FSIP2: variants seen among roughly 807,000 people sequenced by gnomAD.
The protein encoded by FSIP2 is fibrous sheath interacting protein 2.
FSIP2 carries 367 observed loss-of-function variants against 510.5 expected under a neutral mutation model. The observed-to-expected ratio is 0.72, with a 90% confidence interval of 0.66 to 0.78. The LOEUF (loss-of-function observed/expected upper bound fraction) is 0.78. Ranked by LOEUF, FSIP2 falls within the 30% of genes least tolerant of loss-of-function variation. The pLI, the probability that FSIP2 is intolerant of heterozygous loss-of-function variation, is 0.00. For synonymous variants in FSIP2, 2,601 were observed against 2,732.2 expected, an observed-to-expected ratio of 0.95 and a Z score of 1.50; for missense variants, 7,594 against 7,901.7, an observed-to-expected ratio of 0.96 and a Z score of 1.48.
chr2:185,787,548 G>A (rs532834650), intron 15 of FSIP2, among the ~76,000 whole-genome samples: 3 of 151,850 alleles, frequency 2.0e-5, no homozygotes, highest in African/African-American at 4.8e-5. Context: ...AATTACTTGT[G>A]TTTACAAGCT....
intron 15 of FSIP2, among the ~76,000 whole-genome samples, chr2:185,787,195 T>C (rs1693009646): frequency 6.7e-6 from 1 of 150,346 alleles, no homozygotes; most frequent in South Asian, 2.1e-4. Context: ...AGTATTTGAT[T>C]TAGACTGTAT....
intron 9 of FSIP2, among the ~76,000 whole-genome samples, chr2:185,758,917 G>C (rs1199033731): frequency 6.6e-6 from 1 of 151,042 alleles, no homozygotes; most frequent in Non-Finnish European, 1.5e-5. Flanking sequence ...AATGTTAGTT[G>C]TTATACTAGG....
chr2:185,799,600 A>T, intron 16 of FSIP2, 97 bp from the exon 17 acceptor site: 1 of 540,426 alleles, frequency 1.9e-6, no homozygotes, highest in Non-Finnish European at 2.9e-6. Flanking sequence ...GAGTTGCTCA[A>T]AGGGTGAAAT....
At chr2:185,828,278 G>T in intron 21 of FSIP2, 79 bp downstream of exon 21, 1 of 798,600 alleles carries the variant, frequency 1.3e-6, no homozygotes. Context: ...GTTCAGTCAG[G>T]GACTGTGTGG....
At chr2:185,767,260 T>G (rs1278824609) in intron 13 of FSIP2, among the ~76,000 whole-genome samples, 11 of 150,202 alleles carry the variant, frequency 7.3e-5, no homozygotes, top group Admixed American at 2.7e-4. Context: ...ATGGCACATG[T>G]ATACATATGT....
rs770759533 is a variant in FSIP2 at position 185,789,836 on chromosome 2, T to A, written c.2700T>A (p.Ser900=). ...TATCAAATATTTTTTCCCAGTCTTC[T>A]TTGGTTGCTTATATAGAGGAAGCAA... ...NLISNIFSQS[S]LVAYIEEAIN... The change falls in exon 16 of 23, where the codon TCT becomes TCA. Residue 900 remains serine, a synonymous_variant. Transcript: ENST00000424728. 5.2e-6 allele frequency: 8 copies of A among 1,532,646 alleles called. No individual in the cohort carries two copies. In the South Asian group the frequency reaches 8.3e-5, roughly 16 times the overall value. The allele number at this position is 1,532,646 out of a possible 1,614,324, so 94.9% of individuals were successfully genotyped here.
In FSIP2 at chr2:185,807,863, T is replaced by A. The variant is rs1273774671; in HGVS notation, c.18557T>A (p.Phe6186Tyr). ...YNIIEEIAVK[F>Y]LSKLLSIFPK... ...ATAATAGAAGAAATTGCTGTGAAAT[T>A]TTTATCAAAGCTTTTATCTATATTT... Residue 6186 changes from phenylalanine (F) to tyrosine (Y), a missense_variant, in exon 17 of 23, where the codon TTT becomes TAT. Phe to Tyr is a conservative substitution (Grantham distance 22). Transcript: ENST00000424728. 3 of 1,609,686 alleles carry A rather than the reference T, an allele frequency of 1.9e-6. No individual in the cohort carries two copies. Among genetic ancestry groups the A allele is most frequent in the Non-Finnish European group, 2.5e-6 (3 of 1,178,388 alleles).
chr2:185,828,146 A>G lies in FSIP2; in HGVS notation c.20474-10A>G. ...AGACTATTTTACTTTTTTTTTTTTAATCTCTACAGAAAGTTCTCAGGAACA... is the reference window on the plus strand; with the variant it reads ...AGACTATTTTACTTTTTTTTTTTTAGTCTCTACAGAAAGTTCTCAGGAACA... On this transcript the variant is annotated splice_polypyrimidine_tract_variant and intron_variant, in intron 20 of 22. Transcript: ENST00000424728. 1 of 1,516,578 alleles carries G rather than the reference A, an allele frequency of 6.6e-7. No homozygotes were observed. Among genetic ancestry groups the G allele is most frequent in the Non-Finnish European group, 9.1e-7 (1 of 1,101,864 alleles). The allele number at this position is 1,516,578 out of a possible 1,614,324, so 93.9% of individuals were successfully genotyped here. A position where few individuals can be genotyped will look rare whatever the true frequency, so the allele number is the denominator to read the frequency against.
intron 13 of FSIP2, among the ~76,000 whole-genome samples, chr2:185,767,349 A>G (rs1325793366): frequency 3.9e-5 from 6 of 152,076 alleles, no homozygotes; most frequent in Non-Finnish European, 1.5e-5. Context: ...TAAAAAATAA[A>G]AAAAAGAGCT....
At chr2:185,761,570 A>T (rs1692351407) in intron 10 of FSIP2, among the ~76,000 whole-genome samples, 1 of 151,272 alleles carries the variant, frequency 6.6e-6, no homozygotes, top group South Asian at 2.1e-4. Context: ...GATGAATTTT[A>T]CTTTGGTTCT....
intron 13 of FSIP2, among the ~76,000 whole-genome samples, chr2:185,778,759 G>A (rs751925848): frequency 6.6e-6 from 1 of 151,784 alleles, no homozygotes; most frequent in South Asian, 2.1e-4. Flanking sequence ...CAATCAAGAC[G>A]GTGAATTGTG....
rs1479818128 is a variant in FSIP2 at position 185,792,998 on chromosome 2, T to A, written c.5862T>A (p.Ile1954=). 1 of 1,534,480 alleles carries A rather than the reference T, an allele frequency of 6.5e-7. No individual in the cohort carries two copies. Among genetic ancestry groups the A allele is most frequent in the East Asian group, 2.4e-5 (1 of 40,838 alleles). ...TTACAGTTCCAGTGGCTTTACCTAT[T>A]CAGCAAGATCACAGTACATTGAGCA... The part of the protein sequence containing the change: ...VNFTVPVALP[I]QQDHSTLSKA... The change falls in exon 16 of 23, where the codon ATT becomes ATA. Residue 1954 remains isoleucine (I), a synonymous_variant. Coordinates refer to ENST00000424728, the MANE Select transcript of FSIP2 (RefSeq NM_173651.4).
In FSIP2 at chr2:185,789,611, T is replaced by C; in HGVS notation, c.2475T>C (p.His825=). ...GTGATATTGCAGAGGACATGGTGCA[T>C]GCCATTTTAGAAAAGCTAATGACTC... The part of the protein sequence containing the change: ...PMCDIAEDMV[H]AILEKLMTLV... The change falls in exon 16 of 23, where the codon CAT becomes CAC. Residue 825 remains histidine (H), a synonymous_variant. Transcript: ENST00000424728. 2.6e-6 allele frequency: 4 copies of C among 1,534,840 alleles called. No individual in the cohort carries two copies. Among genetic ancestry groups the C allele is most frequent in the Non-Finnish European group, 3.5e-6 (4 of 1,145,896 alleles).
chr2:185,796,230 CA>C lies in FSIP2; in HGVS notation c.9095del (p.Gln3032ArgfsTer4). Reference protein sequence around the residue: ...MPIENLSSIQQKLLNKKMLPK... With the variant: ...MPIENLSSIQXKLLNKKMLPK... ...TATAGAAAACCTTTCTTCTATCCAACAGAAACTGTTAAACAAAAAAATGTTG... is the reference window on the plus strand; with the variant it reads ...TATAGAAAACCTTTCTTCTATCCAACGAAACTGTTAAACAAAAAAATGTTG... On this transcript the variant is annotated frameshift_variant, in exon 16 of 23. Coordinates refer to ENST00000424728, the MANE Select transcript of FSIP2 (RefSeq NM_173651.4). LOFTEE classifies it high-confidence loss of function. The C allele has an allele frequency of 2.6e-6, 4 of 1,530,928 alleles. No homozygotes were observed. The South Asian group carries it at 4.8e-5, about 18-fold the overall frequency. 94.8% of individuals were successfully genotyped at this position (1,530,928 alleles called of 1,614,324 possible).
In FSIP2 at chr2:185,779,486, C is replaced by G. The variant is rs561608719; in HGVS notation, c.1412-3219C>G. ...GGTTAATTGGGAGATCTATCAATCA[C>G]TCAAACATTTGTTATTTCTTTGTGT... On this transcript the variant is annotated intron_variant, in intron 13 of 22. Transcript: ENST00000424728. 2.2e-4 allele frequency among the ~76,000 whole-genome samples: 33 copies of G among 152,046 alleles called. 1 individual carries two copies. Among genetic ancestry groups the G allele is most frequent in the African/African-American group, 7.7e-4 (32 of 41,422 alleles).
intron 2 of FSIP2, among the ~76,000 whole-genome samples, chr2:185,741,752 A>C (rs983037409): frequency 6.6e-6 from 1 of 152,236 alleles, no homozygotes; most frequent in African/African-American, 2.4e-5. Flanking sequence ...TTAATGTTAA[A>C]CAAGAGGTCA....
Position 185,796,633 on chromosome 2 carries a change from T to A in FSIP2, c.9497T>A (p.Met3166Lys). 1.3e-6 allele frequency: 2 copies of A among 1,534,960 alleles called. No homozygotes were observed. The highest frequency in any genetic ancestry group is 1.7e-6 in the Non-Finnish European group (2 of 1,146,228). The part of the protein sequence containing the change: ...NQVELATNMK[M>K]FTSKLKEGSL... ...GTTGAATTAGCAACTAATATGAAAATGTTCACATCAAAGTTAAAGGAAGGT... is the reference window on the plus strand; with the variant it reads ...GTTGAATTAGCAACTAATATGAAAAAGTTCACATCAAAGTTAAAGGAAGGT... The change falls in exon 16 of 23, where the codon ATG (methionine) becomes AAG (lysine). Residue 3166 changes from methionine (M) to lysine (K), a missense_variant. Met to Lys is a moderately conservative substitution (Grantham distance 95). Coordinates refer to ENST00000424728, the MANE Select transcript of FSIP2 (RefSeq NM_173651.4).
In FSIP2 at chr2:185,790,675, A is replaced by C; in HGVS notation, c.3539A>C (p.Lys1180Thr). ...ITDSVLNILH[K>T]ASNYISNTTK... ...GATTCTGTGTTAAACATACTTCATAAGGCATCAAACTACATTTCCAATACC... is the reference window on the plus strand; with the variant it reads ...GATTCTGTGTTAAACATACTTCATACGGCATCAAACTACATTTCCAATACC... Residue 1180 changes from lysine to threonine, a missense_variant, in exon 16 of 23, where the codon AAG (lysine) becomes ACG (threonine). Lys to Thr is a moderately conservative substitution (Grantham distance 78). Transcript: ENST00000424728. 1 of 1,534,010 alleles carries C rather than the reference A, an allele frequency of 6.5e-7. No homozygotes were observed. The highest frequency in any genetic ancestry group is 8.7e-7 in the Non-Finnish European group (1 of 1,145,378).
intron 18 of FSIP2, 48 bp downstream of exon 18, chr2:185,814,090 CA>C: frequency 6.5e-7 from 1 of 1,539,618 alleles, no homozygotes. Context: ...GAGACATCTT[CA>C]CAAATCTGGC....
Sources: gnomAD v4.1 joint callset for allele counts (sites outside exome capture counted in the v4.1 genomes callset) on GRCh38, gnomAD v4.1.1 for gene constraint, MANE v1.5 for transcripts, NCBI Gene and HGNC (gene_info 2026-07-23, HGNC 2026-07-21) for gene names.